The following DLEC1 variants were observed in gnomAD, a reference collection of about 807,000 sequenced individuals.
DLEC1 encodes DLEC1 cilia and flagella associated protein, also known as deleted in lung and esophageal cancer protein 1.
In DLEC1, 146 loss-of-function variants were observed where a neutral mutation model predicts 198.1. The observed-to-expected ratio is 0.74, with a 90% confidence interval of 0.64 to 0.85. The LOEUF (loss-of-function observed/expected upper bound fraction) is 0.85. Ranked by LOEUF, DLEC1 falls within the 40% of genes least tolerant of loss-of-function variation. DLEC1 has a pLI of 0.00. For synonymous variants in DLEC1, 897 were observed against 866.8 expected (o/e 1.03, Z -0.61); for missense variants, 2,233 against 2,220.0 (o/e 1.01, Z -0.12).
At chr3:38,051,303 C>A (rs559557572) in intron 2 of DLEC1, among the ~76,000 whole-genome samples, 1 of 152,234 alleles carries the variant, frequency 6.6e-6, no homozygotes, top group Non-Finnish European at 1.5e-5. Context: ...CGGGACTGAT[C>A]GCTCAGCGGC....
rs1452827618 is a variant in DLEC1 at position 38,123,302 on chromosome 3, G to A, written c.*890G>A. ...ACACGGTGACAGATGCCCACTGCAG[G>A]CTAGTATCCCTTTCAAGGCTGGCCC... On this transcript the variant is annotated 3_prime_UTR_variant, in exon 37 of 37. Coordinates refer to ENST00000308059, the MANE Select transcript of DLEC1 (RefSeq NM_007335.4). 1.6e-6 allele frequency: 1 copy of A among 610,966 alleles called. No individual in the cohort carries two copies. The highest frequency in any genetic ancestry group is 1.8e-5 in the African/African-American group (1 of 54,462). The allele number at this position is 610,966 out of a possible 1,614,324, so 37.8% of individuals were successfully genotyped here. A position where few individuals can be genotyped will look rare whatever the true frequency, so the allele number is the denominator to read the frequency against.
chr3:38,112,254 T>G lies in DLEC1; in HGVS notation c.3559T>G (p.Phe1187Val). 1 of 1,614,214 alleles carries G rather than the reference T, an allele frequency of 6.2e-7. No individual in the cohort carries two copies. Among genetic ancestry groups the G allele is most frequent in the Non-Finnish European group, 8.5e-7 (1 of 1,180,020 alleles). Residue 1187 changes from phenylalanine to valine, a missense_variant, in exon 25 of 37, where the codon TTC (phenylalanine) becomes GTC (valine). Transcript: ENST00000308059. The surrounding 1 kb of genome is among the most constrained non-coding windows in gnomAD (Gnocchi z 4.8). The stretch of plus-strand genomic sequence containing the variant: ...ATCCCACGGGAAAGGAGCTGCTTTC[T>G]TCCCTCACTTTTCCCAGGGCATGCT... ...MLSHGKGAAF[F>V]PHFSQGMLGP...
intron 22 of DLEC1, 103 bp downstream of exon 22, chr3:38,109,665 A>G: frequency 1.3e-6 from 2 of 1,563,174 alleles, no homozygotes. Flanking sequence ...CGCCCATCTG[A>G]TTCCTGCAGG....
rs780608340 is a variant in DLEC1 at position 38,110,212 on chromosome 3, G to A, written c.3374G>A (p.Arg1125Gln). 21 of 1,614,034 alleles carry A rather than the reference G, an allele frequency of 1.3e-5. No individual in the cohort carries two copies. Among genetic ancestry groups the A allele is most frequent in the Admixed American group, 1.7e-5 (1 of 60,004 alleles). ...ATTCTCACCAATCGCTCCCCAATAC[G>A]GACCCGTTTCTCCCTCAAGTTTGAG... ...QLILTNRSPI[R>Q]TRFSLKFEYF... Residue 1125 changes from arginine to glutamine, a missense_variant, in exon 23 of 37, where the codon CGG becomes CAG. Coordinates refer to ENST00000308059, the MANE Select transcript of DLEC1 (RefSeq NM_007335.4).
chr3:38,049,178 T>C (rs1701004894), intron 2 of DLEC1, among the ~76,000 whole-genome samples: 2 of 152,162 alleles, frequency 1.3e-5, no homozygotes, highest in Admixed American at 1.3e-4. Context: ...CCAAGAATGA[T>C]ATTAAGTTCT....
Position 38,086,226 on chromosome 3 carries a change from C to G in DLEC1, c.1436-15C>G. ...ACCTGTTGTTTCTCTTGCACATGTT[C>G]TCCTGTGGCTACAGTGTCACCGGTG... is the stretch of plus-strand genomic sequence containing the variant. On this transcript the variant is annotated splice_polypyrimidine_tract_variant and intron_variant, in intron 8 of 36. Transcript: ENST00000308059. 6.3e-7 allele frequency: 1 copy of G among 1,599,094 alleles called. No homozygotes were observed. The highest frequency in any genetic ancestry group is 8.5e-7 in the Non-Finnish European group (1 of 1,172,472).
chr3:38,064,634 C>T (rs1325326500), intron 6 of DLEC1, among the ~76,000 whole-genome samples: 8 of 146,960 alleles, frequency 5.4e-5, no homozygotes, highest in East Asian at 2.0e-4. Flanking sequence ...GCTAGCCGGG[C>T]GGGGGCTGCC....
At chr3:38,079,173 A>G (rs1246879034) in intron 6 of DLEC1, among the ~76,000 whole-genome samples, 1 of 152,166 alleles carries the variant, frequency 6.6e-6, no homozygotes, top group African/African-American at 2.4e-5. Context: ...GATTGGGAAG[A>G]AGGGCAGCAA....
Position 38,068,981 on chromosome 3 carries a change from A to G in DLEC1, c.1173+5062A>G, listed in dbSNP as rs1276387304. Among the ~76,000 whole-genome samples, 3 of 152,218 alleles carry G rather than the reference A, an allele frequency of 2.0e-5. No individual in the cohort carries two copies. In the East Asian group the frequency reaches 5.8e-4, roughly 29 times the overall value. ...GGGCGTGTCATATGGTGAGTCAGATATGGGAGAGGGAAGAGGGAATATCCA... is the reference window on the plus strand; with the variant it reads ...GGGCGTGTCATATGGTGAGTCAGATGTGGGAGAGGGAAGAGGGAATATCCA... On this transcript the variant is annotated intron_variant, in intron 6 of 36. Transcript: ENST00000308059.
intron 6 of DLEC1, among the ~76,000 whole-genome samples, chr3:38,071,395 G>C (rs1313434736): frequency 6.6e-6 from 1 of 152,232 alleles, no homozygotes; most frequent in Non-Finnish European, 1.5e-5. Context: ...GAAATGAGAG[G>C]TTCTAAGAGA....
At chr3:38,114,204 G>C (rs765526797) in intron 25 of DLEC1, 138 bp from the exon 26 acceptor site, 12 of 674,522 alleles carry the variant, frequency 1.8e-5, no homozygotes, top group Non-Finnish European at 2.8e-5. Context: ...AAGTGGGAGA[G>C]AAGACAGAGT....
At chr3:38,084,105 C>T in intron 6 of DLEC1, 53 bp from the exon 7 acceptor site, 2 of 1,527,600 alleles carry the variant, frequency 1.3e-6, no homozygotes, top group Non-Finnish European at 1.8e-6. Context: ...GACATCGTAT[C>T]ATTTCGTCTA....
At chr3:38,084,416 A>G (rs1228461088) in intron 7 of DLEC1, among the ~76,000 whole-genome samples, 171 bp downstream of exon 7, 3 of 88,132 alleles carry the variant, frequency 3.4e-5, no homozygotes, top group Admixed American at 1.1e-4. Context: ...TGGTGGTAGT[A>G]GTAGTGGTAG....
chr3:38,102,380 T>C (rs1699351231), intron 19 of DLEC1, among the ~76,000 whole-genome samples: 1 of 152,190 alleles, frequency 6.6e-6, no homozygotes. Context: ...GAGGCAATCA[T>C]GTTTCGAAAT....
In DLEC1 at chr3:38,039,429, G is replaced by T; in HGVS notation, c.204G>T (p.Gln68His). The T allele has an allele frequency of 2.5e-6, 4 of 1,613,730 alleles. No homozygotes were observed. Among genetic ancestry groups the T allele is most frequent in the Middle Eastern group, 1.7e-4 (1 of 6,060 alleles). The change falls in exon 1 of 37, where the codon CAG (glutamine) becomes CAT (histidine). Residue 68 changes from glutamine (Q) to histidine (H), a missense_variant. Physicochemically the swap from Gln to His is conservative, Grantham distance 24. Transcript: ENST00000308059. ...SFAARPRRLT[Q>H]LALAQRPEPQ... is the part of the protein sequence containing the mutation. ...CAGCCCGGCCCCGCCGCCTCACGCA[G>T]CTTGCGCTGGCGCAGCGTCCCGAGC...
rs1401109238 is a variant in DLEC1, at chr3:38,094,871, C to A, written c.1920-8C>A. ...TGGGACATGGCCTTGGATGCGTTGC[C>A]CCCACAGGCACGTGGAGCTGGCCTT... On this transcript the variant is annotated splice_region_variant and splice_polypyrimidine_tract_variant and intron_variant, in intron 12 of 36. Coordinates refer to ENST00000308059, the MANE Select transcript of DLEC1 (RefSeq NM_007335.4). 6.2e-7 allele frequency: 1 copy of A among 1,613,020 alleles called. No homozygotes were observed. Among genetic ancestry groups the A allele is most frequent in the East Asian group, 2.2e-5 (1 of 44,860 alleles).
intron 6 of DLEC1, among the ~76,000 whole-genome samples, chr3:38,075,559 C>T (rs537446744): frequency 1.3e-4 from 19 of 149,434 alleles, no homozygotes; most frequent in East Asian, 4.0e-4. Context: ...AGTAGAGACA[C>T]GGAGGGAAGG....
intron 1 of DLEC1, among the ~76,000 whole-genome samples, chr3:38,045,078 C>A (rs1050567041): frequency 6.6e-6 from 1 of 152,194 alleles, no homozygotes; most frequent in Admixed American, 6.5e-5. Context: ...TCTTTATACC[C>A]CTGCCTCTCT....
At chr3:38,115,862 C>T (rs910983567) in intron 27 of DLEC1, among the ~76,000 whole-genome samples, 2 of 151,904 alleles carry the variant, frequency 1.3e-5, no homozygotes, top group African/African-American at 2.4e-5. Context: ...AATGGGGAGC[C>T]CCAGCTTAGG....
Sources: allele counts gnomAD v4.1 joint callset (sites outside exome capture counted in the v4.1 genomes callset), GRCh38; gene constraint gnomAD v4.1.1; non-coding constraint Gnocchi (gnomAD v3.1); transcripts MANE v1.5; gene names NCBI Gene and HGNC (gene_info 2026-07-23, HGNC 2026-07-21).